FANCD2: variants seen among roughly 807,000 people sequenced by gnomAD.
FANCD2 encodes the protein FA complementation group D2.
FANCD2 carries 131 observed loss-of-function variants against 192.3 expected under a neutral mutation model. The observed-to-expected ratio is 0.68, with a 90% CI of 0.59 to 0.79. FANCD2 has a LOEUF of 0.79. Ranked by LOEUF, FANCD2 falls within the 30% of genes least tolerant of loss-of-function variation. The pLI is 0.00. For synonymous variants in FANCD2, 524 were observed against 612.5 expected (o/e 0.86, Z 2.13); for missense variants, 1,508 against 1,701.6 (o/e 0.89, Z 2.00).
chr3:10,061,765 G>A (rs1419044425), intron 19 of FANCD2, among the ~76,000 whole-genome samples: 2 of 151,962 alleles, frequency 1.3e-5, no homozygotes, highest in East Asian at 1.9e-4. Flanking sequence ...AATACTCTTC[G>A]CTGCCTTCAT....
intron 14 of FANCD2, among the ~76,000 whole-genome samples, chr3:10,044,433 T>C (rs1411417535): frequency 1.3e-4 from 19 of 151,792 alleles, no homozygotes; most frequent in Admixed American, 3.3e-4. Flanking sequence ...TTTGGGAGGC[T>C]GAGGCAGGCG....
intron 26 of FANCD2, among the ~76,000 whole-genome samples, chr3:10,068,461 A>T (rs149445353): frequency 2.0e-4 from 31 of 152,276 alleles, no homozygotes; most frequent in African/African-American, 7.5e-4. Context: ...CACTATAATG[A>T]GTACTATGAA....
intron 40 of FANCD2, 126 bp downstream of exon 40, chr3:10,094,489 C>G: frequency 1.2e-6 from 1 of 813,794 alleles, no homozygotes; most frequent in Non-Finnish European, 2.2e-6. Context: ...TCAGCTGTAG[C>G]CAGAGATCCC....
chr3:10,032,405 G>A (rs1432497827), intron 2 of FANCD2: 4 of 304,894 alleles, frequency 1.3e-5, no homozygotes, highest in African/African-American at 2.3e-5. Flanking sequence ...CTTAGCCTCC[G>A]AAGTAGCTGG....
intron 18 of FANCD2, among the ~76,000 whole-genome samples, chr3:10,053,773 A>G (rs2087292027): frequency 6.6e-6 from 1 of 152,080 alleles, no homozygotes; most frequent in African/African-American, 2.4e-5. Context: ...TCTGCCCTCA[A>G]AAAGCTTTGT....
At chr3:10,032,560 G>A in intron 2 of FANCD2, 2 of 381,858 alleles carry the variant, frequency 5.2e-6, no homozygotes, top group Non-Finnish European at 9.8e-6. Flanking sequence ...TCCTGCCTTG[G>A]CCTCCTAATT....
At chr3:10,032,751 C>G in intron 2 of FANCD2, 81 bp from the exon 3 acceptor site, 1 of 1,256,978 alleles carries the variant, frequency 8.0e-7, no homozygotes, top group East Asian at 2.3e-5. Context: ...CAGTTTTCCT[C>G]TCATGATTAT....
intron 20 of FANCD2, among the ~76,000 whole-genome samples, chr3:10,062,882 A>G (rs2087609797): frequency 1.3e-5 from 2 of 151,952 alleles, no homozygotes; most frequent in Non-Finnish European, 2.9e-5. Context: ...ACGGGGTTTC[A>G]CCATGTTGGG....
chr3:10,055,810 TC>T, intron 18 of FANCD2, among the ~76,000 whole-genome samples: 1 of 151,384 alleles, frequency 6.6e-6, no homozygotes, highest in Admixed American at 6.6e-5. Context: ...AGACTCTGTC[TC>T]AAAAAAAAAA....
intron 29 of FANCD2, 68 bp from the exon 30 acceptor site, chr3:10,078,013 G>T: frequency 1.7e-6 from 2 of 1,178,522 alleles, no homozygotes; most frequent in Non-Finnish European, 2.5e-6. Context: ...TAACAAAAAA[G>T]AAAGAAAAAA....
chr3:10,052,455 A>G lies in FANCD2; in HGVS notation c.1614A>G (p.Thr538=), dbSNP rs141824395. The change falls in exon 18 of 44, where the codon ACA becomes ACG. Residue 538 remains threonine (T), a synonymous_variant. Transcript: ENST00000675286. ...GAAAACTCTTCTATGTTCTCAGCAC[A>G]CTGGCATTTAGCAAACAGAATGAAG... ...QIRKLFYVLS[T]LAFSKQNEAS... is the part of the protein sequence containing the mutation. 13 of 1,612,536 alleles carry G rather than the reference A, an allele frequency of 8.1e-6. No individual in the cohort carries two copies. The highest frequency in any genetic ancestry group is 4.1e-4 in the Middle Eastern group (2 of 4,938).
chr3:10,101,122 C>G, intron 43 of FANCD2, 66 bp from the exon 44 acceptor site: 2 of 1,181,406 alleles, frequency 1.7e-6, no homozygotes, highest in Non-Finnish European at 2.5e-6. Context: ...CCTCTAGGAG[C>G]TGTATTCCAG....
chr3:10,088,732 G>T (rs2125077224), intron 35 of FANCD2, 96 bp from the exon 36 acceptor site: 1 of 1,357,928 alleles, frequency 7.4e-7, no homozygotes, highest in Non-Finnish European at 1.1e-6. Flanking sequence ...TTAGCTAACT[G>T]CTTATTGTTA....
At chr3:10,043,957 C>G in intron 14 of FANCD2, 93 bp downstream of exon 14, 1 of 1,038,302 alleles carries the variant, frequency 9.6e-7, no homozygotes, top group Non-Finnish European at 1.5e-6. Flanking sequence ...TTTCTCCCCC[C>G]TCCAGTCACT....
chr3:10,047,469 G>A (rs1174973564), intron 15 of FANCD2, among the ~76,000 whole-genome samples: 1 of 152,294 alleles, frequency 6.6e-6, no homozygotes, highest in Non-Finnish European at 1.5e-5. Context: ...TATGTACATT[G>A]AATTATTGGT....
rs756674236 is a variant in FANCD2, at chr3:10,098,834, C to A, written c.4281+19C>A. ...CACTGAGGTATCTCTACAAAACCCA[C>A]CAGAGTCTGGCACTGATGGTTGCAT... On this transcript the variant is annotated intron_variant, in intron 43 of 43. Coordinates refer to ENST00000675286, the MANE Select transcript of FANCD2 (RefSeq NM_001018115.3). 1 of 1,614,162 alleles carries A rather than the reference C, an allele frequency of 6.2e-7. No homozygotes were observed. Among genetic ancestry groups the A allele is most frequent in the African/African-American group, 1.3e-5 (1 of 75,036 alleles).
intron 23 of FANCD2, among the ~76,000 whole-genome samples, chr3:10,065,138 A>T (rs2087682495): frequency 6.6e-6 from 1 of 152,084 alleles, no homozygotes; most frequent in African/African-American, 2.4e-5. Flanking sequence ...AAAATACAAA[A>T]ATTAGCCGGG....
chr3:10,044,226 T>C (rs867347445), intron 14 of FANCD2, among the ~76,000 whole-genome samples: 346 of 152,148 alleles, frequency 2.3e-3, no homozygotes, highest in African/African-American at 7.8e-3. Flanking sequence ...TTCCTTCCAC[T>C]CAGCACCACT....
intron 30 of FANCD2, 132 bp downstream of exon 30, chr3:10,078,329 C>T (rs1693642638): frequency 1.4e-6 from 1 of 716,682 alleles, no homozygotes; most frequent in Non-Finnish European, 2.6e-6. Context: ...AGCCGTATTG[C>T]CAGACAATAT....
Sources: allele counts gnomAD v4.1 joint callset (sites outside exome capture counted in the v4.1 genomes callset), GRCh38; gene constraint gnomAD v4.1.1; transcripts MANE v1.5; gene names NCBI Gene and HGNC (gene_info 2026-07-23, HGNC 2026-07-21).